The following ARHGAP24 variants were observed in gnomAD, a reference collection of about 807,000 sequenced individuals.
ARHGAP24 encodes rho GTPase-activating protein 24.
In ARHGAP24, 50 loss-of-function variants were observed where a neutral mutation model predicts 76.4. The observed-to-expected ratio is 0.65, with a 90% CI of 0.52 to 0.83. ARHGAP24 has a LOEUF of 0.83. Ranked by LOEUF, ARHGAP24 falls within the 40% of genes least tolerant of loss-of-function variation. The probability of loss-of-function intolerance (pLI) is 0.00; values close to 1 mark genes in which losing one functional copy is unlikely to be tolerated. For missense variants in ARHGAP24, 930 were observed against 914.2 expected (o/e 1.02, Z -0.22); for synonymous variants, 345 against 323.3 (o/e 1.07, Z -0.72).
chr4:85,969,919 A>C (rs1256808119), intron 5 of ARHGAP24, among the ~76,000 whole-genome samples: 1 of 152,218 alleles, frequency 6.6e-6, no homozygotes, highest in Non-Finnish European at 1.5e-5. Flanking sequence ...CCTCTTCTAT[A>C]GTGTTTATCA....
intron 4 of ARHGAP24, among the ~76,000 whole-genome samples, chr4:85,925,540 A>G (rs565298993): frequency 1.3e-5 from 2 of 151,960 alleles, no homozygotes; most frequent in East Asian, 1.9e-4. Flanking sequence ...CTACAGTACA[A>G]TGAAATATCT....
intron 3 of ARHGAP24, among the ~76,000 whole-genome samples, chr4:85,846,521 G>C (rs981960365): frequency 2.0e-5 from 3 of 152,202 alleles, no homozygotes; most frequent in Non-Finnish European, 4.4e-5. Flanking sequence ...GATTAGGGAA[G>C]TGTTCTTCTG....
At chr4:85,588,459 C>A (rs1727953626) in intron 2 of ARHGAP24, among the ~76,000 whole-genome samples, 1 of 152,152 alleles carries the variant, frequency 6.6e-6, no homozygotes, top group Non-Finnish European at 1.5e-5. Flanking sequence ...CTGAGTCCTG[C>A]AAATATCTGT....
chr4:85,906,336 G>T (rs1018358101), intron 3 of ARHGAP24, among the ~76,000 whole-genome samples: 6 of 152,114 alleles, frequency 3.9e-5, no homozygotes, highest in African/African-American at 1.4e-4. Flanking sequence ...GGTGGAAACT[G>T]GGTTGAGAAA....
At chr4:85,645,685 T>C (rs1235478480) in intron 2 of ARHGAP24, among the ~76,000 whole-genome samples, 1 of 152,114 alleles carries the variant, frequency 6.6e-6, no homozygotes, top group African/African-American at 2.4e-5. Context: ...AAGAAGCACA[T>C]ATTGGAAGGA....
intron 3 of ARHGAP24, among the ~76,000 whole-genome samples, chr4:85,822,529 T>C (rs538675119): frequency 7.0e-4 from 106 of 152,300 alleles, no homozygotes; most frequent in African/African-American, 2.1e-3. Context: ...ACATCAGCAA[T>C]GTAATCTCTC....
At chr4:85,944,000 G>A (rs907517895) in intron 5 of ARHGAP24, among the ~76,000 whole-genome samples, 6 of 152,074 alleles carry the variant, frequency 3.9e-5, no homozygotes, top group African/African-American at 1.4e-4. Flanking sequence ...GGGTCAAATA[G>A]TATTTCTGGT....
chr4:85,878,211 A>C (rs915896324), intron 3 of ARHGAP24, among the ~76,000 whole-genome samples: 3 of 152,124 alleles, frequency 2.0e-5, no homozygotes, highest in African/African-American at 7.2e-5. Flanking sequence ...TGATGATGGT[A>C]GATAGATATG....
chr4:85,477,894 C>T (rs1393510325), intron 1 of ARHGAP24, among the ~76,000 whole-genome samples: 1 of 152,178 alleles, frequency 6.6e-6, no homozygotes, highest in Non-Finnish European at 1.5e-5. Context: ...CCGTCTTAGT[C>T]GCTTGTAGTT....
At chr4:85,953,544 AC>A (rs1160427496) in intron 5 of ARHGAP24, among the ~76,000 whole-genome samples, 1 of 152,090 alleles carries the variant, frequency 6.6e-6, no homozygotes, top group Non-Finnish European at 1.5e-5. Context: ...TTAGAGAAAT[AC>A]CTTAAGATTC....
chr4:85,978,978 A>G (rs1739489490), intron 8 of ARHGAP24, among the ~76,000 whole-genome samples: 4 of 152,148 alleles, frequency 2.6e-5, no homozygotes, highest in Non-Finnish European at 5.9e-5. Context: ...TTTTTAATAT[A>G]CAGCACCCCC....
intron 3 of ARHGAP24, among the ~76,000 whole-genome samples, chr4:85,754,368 G>A (rs1726392760): frequency 6.6e-6 from 1 of 152,122 alleles, no homozygotes; most frequent in Non-Finnish European, 1.5e-5. Context: ...TTGGTTATTA[G>A]GAATAGTGCT....
intron 1 of ARHGAP24, among the ~76,000 whole-genome samples, chr4:85,538,958 A>G (rs1323751920): frequency 1.3e-5 from 2 of 152,228 alleles, no homozygotes; most frequent in Non-Finnish European, 2.9e-5. Context: ...TGGATTTTGC[A>G]AAGAATTCGT....
At chr4:85,635,271 C>T (rs970518443) in intron 2 of ARHGAP24, among the ~76,000 whole-genome samples, 6 of 145,954 alleles carry the variant, frequency 4.1e-5, no homozygotes, top group African/African-American at 1.3e-4. Context: ...GCCATAGTTA[C>T]CCACTTTTTT....
intron 3 of ARHGAP24, among the ~76,000 whole-genome samples, chr4:85,900,441 G>A (rs1255124432): frequency 2.0e-5 from 3 of 151,798 alleles, no homozygotes; most frequent in African/African-American, 7.3e-5. Context: ...ACTTTTTTCA[G>A]ATAGAAGAGC....
chr4:85,978,390 C>T (rs1739458187), intron 8 of ARHGAP24, among the ~76,000 whole-genome samples: 1 of 152,100 alleles, frequency 6.6e-6, no homozygotes, highest in Admixed American at 6.6e-5. Flanking sequence ...ATTTTACTAC[C>T]TGATACCGTT....
intron 3 of ARHGAP24, among the ~76,000 whole-genome samples, chr4:85,732,791 T>A (rs565678164): frequency 9.9e-5 from 15 of 151,440 alleles, no homozygotes; most frequent in Non-Finnish European, 2.2e-4. Flanking sequence ...CCTCCCGGGT[T>A]CAAGCGATTC....
At chr4:85,755,410 T>C (rs946978984) in intron 3 of ARHGAP24, among the ~76,000 whole-genome samples, 1 of 152,008 alleles carries the variant, frequency 6.6e-6, no homozygotes, top group African/African-American at 2.4e-5. Flanking sequence ...AGATGGCAGG[T>C]AAGGAGGTGC....
At chr4:85,668,235 A>G (rs75925661) in intron 2 of ARHGAP24, among the ~76,000 whole-genome samples, 4,445 of 152,308 alleles carry the variant, frequency 0.029, 194 homozygotes, top group African/African-American at 0.1. Flanking sequence ...ATACACTTTC[A>G]GCAGACTTAT....
Sources: gnomAD v4.1 joint callset for allele counts (sites outside exome capture counted in the v4.1 genomes callset) on GRCh38, gnomAD v4.1.1 for gene constraint, MANE v1.5 for transcripts, NCBI Gene and HGNC (gene_info 2026-07-23, HGNC 2026-07-21) for gene names.